Variants in TRMT11 observed in about 807,000 individuals in gnomAD.
The protein encoded by TRMT11 is tRNA (guanine(10)-N(2))-methyltransferase TRMT11.
Under a neutral mutation model 62.8 loss-of-function variants are expected in TRMT11, and 53 were observed. The observed-to-expected ratio is 0.84, with a 90% CI of 0.68 to 1.06. The LOEUF is 1.06. Ranked by LOEUF, TRMT11 falls within the 50% of genes least tolerant of loss-of-function variation. TRMT11 has a pLI of 0.00. For synonymous variants in TRMT11, 188 were observed against 190.3 expected (o/e 0.99, Z 0.10); for missense variants, 556 against 553.4 (o/e 1.00, Z -0.05).
At chr6:126,216,027 C>T in the TRMT11 span, among the ~76,000 whole-genome samples, 3 of 152,040 alleles carry the variant, frequency 2.0e-5, no homozygotes, top group Non-Finnish European at 4.4e-5. Context: ...ATCACAATTA[C>T]AGTGTTATAA....
In TRMT11 at chr6:126,156,311, CTG is replaced by C. The variant is rs1452766083; in HGVS notation, c.*1824-18509_*1824-18508del. 5.9e-5 allele frequency among the ~76,000 whole-genome samples: 9 copies of C among 152,302 alleles called. No individual in the cohort carries two copies. The East Asian group carries it at 1.7e-3, about 30-fold the overall frequency. ...ACTAGGCAGTGTCATTGTGGGGACT[CTG>C]TGTGGGGGCTCCACCCCACATTTCC... On this transcript the variant is annotated intron_variant and NMD_transcript_variant, in intron 21 of 22. Transcript: ENST00000648977.
chr6:126,263,605 G>A, the TRMT11 span, among the ~76,000 whole-genome samples: 1 of 152,310 alleles, frequency 6.6e-6, no homozygotes, highest in East Asian at 1.9e-4. Flanking sequence ...AACTTAGAAG[G>A]TTCAATTCAA....
intron 17 of TRMT11, among the ~76,000 whole-genome samples, chr6:126,065,427 G>T (rs1490647650): frequency 6.6e-6 from 1 of 152,060 alleles, no homozygotes; most frequent in Non-Finnish European, 1.5e-5. Flanking sequence ...CTCACTGGTA[G>T]TGACCTGCTT....
At chr6:126,228,859 C>T in the TRMT11 span, among the ~76,000 whole-genome samples, 1 of 152,220 alleles carries the variant, frequency 6.6e-6, no homozygotes, top group African/African-American at 2.4e-5. Context: ...TTACTGTCAA[C>T]TTCTTTCTCA....
At chr6:126,021,011 G>T in intron 11 of TRMT11, 149 bp from the exon 12 acceptor site, 1 of 823,830 alleles carries the variant, frequency 1.2e-6, no homozygotes, top group South Asian at 2.8e-5. Context: ...TTTGCTTATA[G>T]ATAGTTTATG....
At chr6:126,124,835 C>T (rs1026968668) in intron 21 of TRMT11, among the ~76,000 whole-genome samples, 2 of 151,990 alleles carry the variant, frequency 1.3e-5, no homozygotes, top group Non-Finnish European at 2.9e-5. Context: ...GGTTGTATAC[C>T]GCTGGAGTTA....
rs1207728431 is a variant in TRMT11, at chr6:126,008,591, A to T, written c.760+119A>T. On this transcript the variant is annotated intron_variant, in intron 8 of 12. Coordinates refer to ENST00000334379, the MANE Select transcript of TRMT11 (RefSeq NM_001031712.3). ...ATTGCACAGGTCCACTTATACTCAGATTTATTTCCATCTCTGCCCTCTTGA... is the reference window on the plus strand; with the variant it reads ...ATTGCACAGGTCCACTTATACTCAGTTTTATTTCCATCTCTGCCCTCTTGA... 3.5e-6 allele frequency: 3 copies of T among 861,552 alleles called. No homozygotes were observed. In the African/African-American group the frequency reaches 5.0e-5, roughly 14 times the overall value. The allele number at this position is 861,552 out of a possible 1,614,324, so 53.4% of individuals were successfully genotyped here.
intron 17 of TRMT11, among the ~76,000 whole-genome samples, chr6:126,104,098 A>G (rs1777435945): frequency 6.6e-6 from 1 of 152,240 alleles, no homozygotes; most frequent in South Asian, 2.1e-4. Context: ...TGTTTCAACT[A>G]CTAAATAATC....
chr6:125,996,284 G>A (rs1338813717), intron 3 of TRMT11, among the ~76,000 whole-genome samples: 3 of 152,172 alleles, frequency 2.0e-5, no homozygotes, highest in Admixed American at 6.5e-5. Context: ...GTATTATGCG[G>A]GAGTATAGTA....
chr6:126,023,372 A>G (rs867068304), intron 12 of TRMT11, among the ~76,000 whole-genome samples: 1 of 152,076 alleles, frequency 6.6e-6, no homozygotes, highest in African/African-American at 2.4e-5. Context: ...TGCCTGGGCC[A>G]GGCGCGGTGG....
chr6:126,244,101 A>T, the TRMT11 span, among the ~76,000 whole-genome samples: 1 of 152,002 alleles, frequency 6.6e-6, no homozygotes. Context: ...AACAAAATAG[A>T]CTCATTCATC....
the TRMT11 span, among the ~76,000 whole-genome samples, chr6:126,210,592 A>T: frequency 6.6e-6 from 1 of 152,236 alleles, no homozygotes; most frequent in South Asian, 2.1e-4. Context: ...GAAAATGAAT[A>T]CAACATGACT....
chr6:126,227,486 GA>G, the TRMT11 span, among the ~76,000 whole-genome samples: 1 of 152,172 alleles, frequency 6.6e-6, no homozygotes, highest in East Asian at 1.9e-4. Flanking sequence ...CTCTGCCACA[GA>G]ACCTGAATTT....
At chr6:125,987,090 G>A (rs182400581) in intron 1 of TRMT11, 1 of 161,772 alleles carries the variant, frequency 6.2e-6, no homozygotes, top group East Asian at 1.9e-4. Context: ...GTCGAAGATC[G>A]GTACGCTGGG....
chr6:126,259,902 T>C, the TRMT11 span, among the ~76,000 whole-genome samples: 1 of 152,202 alleles, frequency 6.6e-6, no homozygotes, highest in Non-Finnish European at 1.5e-5. Flanking sequence ...TTGCTTTTAA[T>C]TTGTGTTTGT....
chr6:126,007,480 T>C (rs1793532892), intron 7 of TRMT11, among the ~76,000 whole-genome samples: 1 of 152,004 alleles, frequency 6.6e-6, no homozygotes, highest in African/African-American at 2.4e-5. Flanking sequence ...TCCTAGAGTA[T>C]AGCTAATTAA....
chr6:126,227,626 C>G, the TRMT11 span, among the ~76,000 whole-genome samples: 1 of 152,316 alleles, frequency 6.6e-6, no homozygotes, highest in Non-Finnish European at 1.5e-5. Context: ...CCCTTCAAGC[C>G]TCTGAAATTA....
chr6:126,151,664 A>G (rs1583890439), intron 21 of TRMT11, among the ~76,000 whole-genome samples: 1 of 151,784 alleles, frequency 6.6e-6, no homozygotes, highest in Non-Finnish European at 1.5e-5. Context: ...TTCTTGACAA[A>G]AGTAGACTAT....
chr6:126,169,735 A>G (rs952073742), intron 21 of TRMT11, among the ~76,000 whole-genome samples: 1 of 152,320 alleles, frequency 6.6e-6, no homozygotes. Flanking sequence ...AGGAGATGGT[A>G]GCCTCAGAAG....
Sources: allele counts gnomAD v4.1 joint callset (sites outside exome capture counted in the v4.1 genomes callset), GRCh38; gene constraint gnomAD v4.1.1; transcripts MANE v1.5; gene names NCBI Gene and HGNC (gene_info 2026-07-23, HGNC 2026-07-21).